Variants in KAZN observed in about 807,000 individuals in gnomAD.
KAZN encodes the protein kazrin, periplakin interacting protein, also known as kazrin.
In KAZN, 40 loss-of-function variants were observed where a neutral mutation model predicts 87.4. The ratio of observed to expected loss-of-function variants is 0.46; its 90% CI spans 0.36 to 0.60. The LOEUF (loss-of-function observed/expected upper bound fraction) is 0.60, where lower values mean the gene tolerates loss of function less well. KAZN is among the 20% of genes least tolerant of loss of function. The pLI is 0.00. For missense variants in KAZN, 898 were observed against 1,073.9 expected (o/e 0.84, Z 2.29); for synonymous variants, 466 against 458.3 (o/e 1.02, Z -0.22).
At chr1:14,803,443 G>T (rs1470180091) in intron 1 of KAZN, among the ~76,000 whole-genome samples, 1 of 152,216 alleles carries the variant, frequency 6.6e-6, no homozygotes, top group Non-Finnish European at 1.5e-5. Flanking sequence ...GGACCAGGGA[G>T]TGAGATGCTG....
intron 1 of KAZN, among the ~76,000 whole-genome samples, chr1:14,148,505 A>G (rs1249610691): frequency 6.6e-6 from 1 of 152,178 alleles, no homozygotes; most frequent in East Asian, 1.9e-4. Context: ...TTCCATTGCT[A>G]CAGTACCCCT....
chr1:15,023,426 G>A lies in KAZN; in HGVS notation c.419-11323G>A, dbSNP rs1670876796. Among the ~76,000 whole-genome samples, 4 of 152,174 alleles carry A rather than the reference G, an allele frequency of 2.6e-5. No homozygotes were observed. The South Asian group carries it at 6.2e-4, about 24-fold the overall frequency. ...GAGGAAGTGAGACACGTGGGTAGGA[G>A]GGGGAAGGAAGGAGGGCCTTCCAGG... On this transcript the variant is annotated intron_variant, in intron 2 of 14. Transcript: ENST00000376030.
chr1:14,310,351 G>A (rs1210420527), intron 2 of KAZN, among the ~76,000 whole-genome samples: 1 of 152,168 alleles, frequency 6.6e-6, no homozygotes, highest in Non-Finnish European at 1.5e-5. Context: ...GGAGCCACCA[G>A]AGGATTCTAA....
At chr1:14,587,608 C>T (rs1489598301) in intron 2 of KAZN, among the ~76,000 whole-genome samples, 1 of 150,110 alleles carries the variant, frequency 6.7e-6, no homozygotes, top group Non-Finnish European at 1.5e-5. Context: ...GAGTGGGGGG[C>T]GGGTGAGGAA....
intron 2 of KAZN, among the ~76,000 whole-genome samples, chr1:14,191,464 C>T (rs932916746): frequency 3.3e-5 from 5 of 151,946 alleles, no homozygotes; most frequent in African/African-American, 1.2e-4. Context: ...AAGTAAGGAG[C>T]TTGATTTGGA....
chr1:14,833,213 C>T (rs573796486), intron 1 of KAZN, among the ~76,000 whole-genome samples: 61 of 152,242 alleles, frequency 4.0e-4, no homozygotes, highest in African/African-American at 1.0e-3. Flanking sequence ...TGGACCATGG[C>T]GTGACAGTGG....
At chr1:14,255,119 C>CAAAAAAAAAAAAA (rs71570191) in intron 2 of KAZN, among the ~76,000 whole-genome samples, 2 of 83,752 alleles carry the variant, frequency 2.4e-5, no homozygotes, top group Admixed American at 1.3e-4. Flanking sequence ...GACTCTGTCT[C>CAAAAAAAAAAAAA]AAAAAAAAAA....
rs986080579 is a variant in KAZN, at chr1:14,452,132, G to A, written c.250-146851G>A. ...TTTTTGTATTTTTAGAAGAGATGGG[G>A]TTTCACCATGTTGGCTAGACTGATC... On this transcript the variant is annotated intron_variant, in intron 2 of 16. Transcript: ENST00000636203. 2.0e-5 allele frequency among the ~76,000 whole-genome samples: 3 copies of A among 151,962 alleles called. No homozygotes were observed. In the South Asian group the frequency reaches 6.2e-4, roughly 32 times the overall value.
chr1:14,886,994 G>C (rs1039381733), intron 1 of KAZN, among the ~76,000 whole-genome samples: 1 of 152,128 alleles, frequency 6.6e-6, no homozygotes, highest in Non-Finnish European at 1.5e-5. Flanking sequence ...CTTGTGAAAT[G>C]AATAAATAAG....
intron 1 of KAZN, among the ~76,000 whole-genome samples, chr1:13,949,277 A>G (rs1570362747): frequency 6.6e-6 from 1 of 151,604 alleles, no homozygotes; most frequent in Non-Finnish European, 1.5e-5. Flanking sequence ...GCGTTTTGTT[A>G]CTGAATCATT....
At chr1:14,092,775 T>C (rs1644036435) in intron 1 of KAZN, among the ~76,000 whole-genome samples, 1 of 152,162 alleles carries the variant, frequency 6.6e-6, no homozygotes, top group African/African-American at 2.4e-5. Context: ...CCTGGTTGAG[T>C]AGTTGTCCAA....
intron 1 of KAZN, among the ~76,000 whole-genome samples, chr1:14,946,618 G>C (rs1358113216): frequency 6.6e-6 from 1 of 152,162 alleles, no homozygotes. Flanking sequence ...CTGAAGATGT[G>C]TGAACTGCAG....
intron 2 of KAZN, among the ~76,000 whole-genome samples, chr1:14,352,545 T>C (rs1161898870): frequency 6.6e-6 from 1 of 152,242 alleles, no homozygotes; most frequent in Non-Finnish European, 1.5e-5. Flanking sequence ...GTATGCTTTA[T>C]GCTTTAATGC....
chr1:14,982,341 G>C (rs1295682355), intron 2 of KAZN, among the ~76,000 whole-genome samples: 1 of 152,096 alleles, frequency 6.6e-6, no homozygotes, highest in African/African-American at 2.4e-5. Context: ...GGCGGGCTTG[G>C]GCATGGGACA....
At chr1:14,315,532 C>T (rs926532968) in intron 2 of KAZN, among the ~76,000 whole-genome samples, 1 of 152,078 alleles carries the variant, frequency 6.6e-6, no homozygotes, top group Non-Finnish European at 1.5e-5. Context: ...AATATTTCCT[C>T]ATGCCCTTCC....
intron 1 of KAZN, among the ~76,000 whole-genome samples, chr1:14,037,898 G>A (rs373204192): frequency 1.3e-5 from 2 of 152,160 alleles, no homozygotes; most frequent in African/African-American, 2.4e-5. Context: ...AGCCTAGGAC[G>A]CATTGCTTGC....
At position 14,273,091 on chromosome 1, in the gene KAZN, G is replaced by A. The variant is rs1652079294; in HGVS notation, c.249+92499G>A. 2.6e-5 allele frequency among the ~76,000 whole-genome samples: 4 copies of A among 152,166 alleles called. No individual in the cohort carries two copies. The South Asian group carries it at 6.2e-4, about 24-fold the overall frequency. ...TTTATTGTTGGGCTGGATGAAACAC[G>A]GATCAGACTAAGTCTGGCAATGTTG... On this transcript the variant is annotated intron_variant, in intron 2 of 16. Transcript: ENST00000636203.
At chr1:14,700,948 A>G (rs1641887595) in intron 1 of KAZN, among the ~76,000 whole-genome samples, 1 of 152,194 alleles carries the variant, frequency 6.6e-6, no homozygotes, top group African/African-American at 2.4e-5. Context: ...GGAAACTTCA[A>G]CACAATTCAG....
intron 1 of KAZN, among the ~76,000 whole-genome samples, chr1:14,638,563 C>T (rs1318350708): frequency 3.5e-5 from 4 of 113,910 alleles, no homozygotes; most frequent in Admixed American, 1.7e-4. Context: ...AGCAAGACTC[C>T]GTCTCAAAAA....
Sources: gnomAD v4.1 joint callset for allele counts (sites outside exome capture counted in the v4.1 genomes callset) on GRCh38, gnomAD v4.1.1 for gene constraint, MANE v1.5 for transcripts, NCBI Gene and HGNC (gene_info 2026-07-23, HGNC 2026-07-21) for gene names.